The following PRKAR2B variants were observed in gnomAD, a reference collection of about 807,000 sequenced individuals.
PRKAR2B encodes the protein cAMP-dependent protein kinase type II-beta regulatory subunit.
Under a neutral mutation model 49.9 loss-of-function variants are expected in PRKAR2B, and 14 were observed. That is an observed-to-expected ratio of 0.28 (90% CI 0.19 to 0.44). The LOEUF is 0.44. PRKAR2B is among the 20% of genes least tolerant of loss of function. The pLI, the probability that PRKAR2B is intolerant of heterozygous loss-of-function variation, is 1.00. For missense variants in PRKAR2B, 393 were observed against 537.9 expected (o/e 0.73, Z 2.67); for synonymous variants, 196 against 197.7 (o/e 0.99, Z 0.07).
chr7:107,101,980 A>G (rs563168382), intron 2 of PRKAR2B, among the ~76,000 whole-genome samples: 1 of 148,352 alleles, frequency 6.7e-6, no homozygotes, highest in Admixed American at 6.8e-5. Context: ...GCTTCTAAAG[A>G]TAGTTTTCAA....
chr7:107,136,072 C>T (rs922519112), intron 4 of PRKAR2B, among the ~76,000 whole-genome samples: 2 of 152,042 alleles, frequency 1.3e-5, no homozygotes, highest in Non-Finnish European at 2.9e-5. Context: ...GAAAAGGTAA[C>T]ACAATGAAGT....
intron 2 of PRKAR2B, among the ~76,000 whole-genome samples, chr7:107,119,419 A>G (rs370803011): frequency 2.6e-4 from 39 of 152,082 alleles, no homozygotes; most frequent in African/African-American, 7.0e-4. Flanking sequence ...GGGCCCATAT[A>G]TGGTGGTTTT....
At position 107,148,575 on chromosome 7, in the gene PRKAR2B, A is replaced by G. The variant is rs993754702; in HGVS notation, c.741+2114A>G. ...ATAGCTTTCTAAAAAAGTTAGAATA[A>G]TTAACATAATTACTTAGTATTTCAA... is the stretch of plus-strand genomic sequence containing the variant. On this transcript the variant is annotated intron_variant, in intron 6 of 10. Transcript: ENST00000265717. 3.9e-5 allele frequency among the ~76,000 whole-genome samples: 6 copies of G among 152,350 alleles called. No individual in the cohort carries two copies. In the South Asian group the frequency reaches 1.2e-3, roughly 32 times the overall value.
chr7:107,145,958 C>G (rs1795885902), intron 5 of PRKAR2B, among the ~76,000 whole-genome samples: 1 of 152,014 alleles, frequency 6.6e-6, no homozygotes, highest in Admixed American at 6.6e-5. Context: ...CCAGGCTGGT[C>G]TCAAACTCCT....
chr7:107,086,236 C>T (rs942802584), intron 2 of PRKAR2B, among the ~76,000 whole-genome samples: 1 of 151,826 alleles, frequency 6.6e-6, no homozygotes, highest in South Asian at 2.1e-4. Context: ...GCTTTGAGTT[C>T]GGATTTGGGC....
At chr7:107,130,051 A>G (rs560980935) in intron 4 of PRKAR2B, among the ~76,000 whole-genome samples, 1 of 152,092 alleles carries the variant, frequency 6.6e-6, no homozygotes, top group Non-Finnish European at 1.5e-5. Context: ...GCCTTATTTT[A>G]CCCAGCTCCT....
chr7:107,112,234 TA>T (rs954850220), intron 2 of PRKAR2B, among the ~76,000 whole-genome samples: 30 of 149,382 alleles, frequency 2.0e-4, no homozygotes, highest in African/African-American at 7.1e-4. Context: ...CCTCTCTAAT[TA>T]ATACTGACTT....
At chr7:107,070,482 A>T (rs1794244242) in intron 2 of PRKAR2B, among the ~76,000 whole-genome samples, 166 bp downstream of exon 2, 1 of 152,244 alleles carries the variant, frequency 6.6e-6, no homozygotes, top group Non-Finnish European at 1.5e-5. Context: ...TCTAGGAAGC[A>T]ATTGAAAATG....
At chr7:107,116,287 G>A (rs1795271320) in intron 2 of PRKAR2B, among the ~76,000 whole-genome samples, 1 of 152,074 alleles carries the variant, frequency 6.6e-6, no homozygotes, top group Admixed American at 6.6e-5. Context: ...ATTCTTTAGG[G>A]AACCTCCTTT....
chr7:107,114,549 T>C (rs999818230), intron 2 of PRKAR2B, among the ~76,000 whole-genome samples: 38 of 140,710 alleles, frequency 2.7e-4, no homozygotes, highest in Middle Eastern at 3.6e-3. Context: ...TTTTTTTTTT[T>C]CTTGGAGAGG....
intron 2 of PRKAR2B, chr7:107,081,945 A>ACT (rs1272342904): frequency 3.4e-4 from 52 of 152,318 alleles, no homozygotes; most frequent in African/African-American, 1.2e-3. Context: ...CTCCCCTTTA[A>ACT]AAACAGGTAT....
At chr7:107,139,188 G>A (rs2115633159) in intron 4 of PRKAR2B, among the ~76,000 whole-genome samples, 1 of 151,936 alleles carries the variant, frequency 6.6e-6, no homozygotes, top group South Asian at 2.1e-4. Context: ...TCTTAGTCTT[G>A]TAGGCTACCA....
chr7:107,102,555 A>G, intron 2 of PRKAR2B, among the ~76,000 whole-genome samples: 1 of 152,220 alleles, frequency 6.6e-6, no homozygotes, highest in Non-Finnish European at 1.5e-5. Context: ...AGCAAAGCCA[A>G]GAGCCCTCCC....
At chr7:107,056,248 A>G (rs369789245) in intron 1 of PRKAR2B, among the ~76,000 whole-genome samples, 3 of 152,122 alleles carry the variant, frequency 2.0e-5, no homozygotes, top group African/African-American at 4.8e-5. Context: ...GTCAGGTAGC[A>G]TGATGCCTCC....
intron 2 of PRKAR2B, among the ~76,000 whole-genome samples, chr7:107,084,833 G>T (rs910858042): frequency 5.3e-5 from 8 of 151,792 alleles, no homozygotes; most frequent in African/African-American, 1.9e-4. Flanking sequence ...CACCGTGTTA[G>T]CCAGGATGGT....
chr7:107,153,531 A>C (rs1796025767), intron 8 of PRKAR2B, among the ~76,000 whole-genome samples: 3 of 152,222 alleles, frequency 2.0e-5, no homozygotes, highest in Non-Finnish European at 4.4e-5. Context: ...AAACAGGTGA[A>C]TGTTCCATGA....
At chr7:107,133,620 A>G (rs1257774764) in intron 4 of PRKAR2B, 4 of 152,132 alleles carry the variant, frequency 2.6e-5, no homozygotes, top group East Asian at 3.9e-4. Flanking sequence ...TTCATCTTCA[A>G]CCTTGGCTGC....
chr7:107,081,658 A>G (rs2116789266), intron 2 of PRKAR2B, among the ~76,000 whole-genome samples: 1 of 152,232 alleles, frequency 6.6e-6, no homozygotes, highest in South Asian at 2.1e-4. Flanking sequence ...CTACTTTTTC[A>G]TGAGTTACTA....
intron 2 of PRKAR2B, among the ~76,000 whole-genome samples, chr7:107,100,952 T>G (rs1303003483): frequency 6.6e-6 from 1 of 150,952 alleles, no homozygotes; most frequent in African/African-American, 2.4e-5. Context: ...GAAATTGAAA[T>G]CTTTGCTAAG....
Sources: allele counts gnomAD v4.1 joint callset (sites outside exome capture counted in the v4.1 genomes callset), GRCh38; gene constraint gnomAD v4.1.1; transcripts MANE v1.5; gene names NCBI Gene and HGNC (gene_info 2026-07-23, HGNC 2026-07-21).